The following AP3S1 variants were observed in gnomAD, a reference collection of about 807,000 sequenced individuals.
AP3S1 encodes adaptor related protein complex 3 subunit sigma 1.
A neutral mutation model predicts 21.3 loss-of-function variants in AP3S1; 12 were observed. The ratio of observed to expected loss-of-function variants is 0.56; its 90% confidence interval spans 0.36 to 0.91. The LOEUF (loss-of-function observed/expected upper bound fraction) is 0.91, where lower values mean the gene tolerates loss of function less well. AP3S1 is among the 40% of genes least tolerant of loss of function. AP3S1 has a pLI of 0.01. For missense variants in AP3S1, 116 were observed against 225.0 expected (o/e 0.52, Z 3.10); for synonymous variants, 48 against 78.4 (o/e 0.61, Z 2.05).
rs569608103 is a variant in AP3S1, at chr5:115,871,495, C to G, written c.273+1367C>G. Among the ~76,000 whole-genome samples, 5 of 152,292 alleles carry G rather than the reference C, an allele frequency of 3.3e-5. No individual in the cohort carries two copies. In the East Asian group the frequency reaches 9.7e-4, roughly 29 times the overall value. The stretch of plus-strand genomic sequence containing the variant: ...CTAAACTGTAACCCCTCCATAATCT[C>G]AATTTCACAGTTTTGAAGTCGTTAG... On this transcript the variant is annotated intron_variant, in intron 3 of 5. Transcript: ENST00000316788.
At chr5:115,903,582 A>G (rs1751395674) in intron 5 of AP3S1, 1 of 152,578 alleles carries the variant, frequency 6.6e-6, no homozygotes, top group Non-Finnish European at 1.5e-5. Context: ...TAGTACATAT[A>G]TATCCATGGT....
intron 1 of AP3S1, among the ~76,000 whole-genome samples, chr5:115,843,696 T>A (rs923369895): frequency 3.3e-5 from 5 of 152,232 alleles, no homozygotes; most frequent in Admixed American, 3.3e-4. Context: ...TTTTTCCATA[T>A]CTAAACTTAA....
chr5:115,862,105 A>G (rs1241992755), intron 1 of AP3S1, among the ~76,000 whole-genome samples: 1 of 151,968 alleles, frequency 6.6e-6, no homozygotes, highest in Non-Finnish European at 1.5e-5. Context: ...ACTGGTGGAC[A>G]TTTGGGTCAT....
At chr5:115,871,465 T>A (rs912899570) in intron 3 of AP3S1, among the ~76,000 whole-genome samples, 1 of 152,208 alleles carries the variant, frequency 6.6e-6, no homozygotes, top group African/African-American at 2.4e-5. Flanking sequence ...AGATTTTATC[T>A]TTGTCTAAAC....
intron 5 of AP3S1, 47 bp downstream of exon 5, chr5:115,903,039 C>G: frequency 7.7e-7 from 1 of 1,300,624 alleles, no homozygotes. Flanking sequence ...AGCATGATGA[C>G]AGATTACGCA....
chr5:115,851,300 T>C (rs561776236), intron 1 of AP3S1, among the ~76,000 whole-genome samples: 5 of 152,330 alleles, frequency 3.3e-5, no homozygotes, highest in African/African-American at 9.6e-5. Context: ...TGTACTGATA[T>C]CTGTTTGAGT....
chr5:115,899,262 C>T (rs909175124), intron 4 of AP3S1, among the ~76,000 whole-genome samples: 1 of 152,188 alleles, frequency 6.6e-6, no homozygotes, highest in African/African-American at 2.4e-5. Context: ...ACTCCTTTTA[C>T]TTTCACCAAA....
intron 5 of AP3S1, chr5:115,903,221 G>T: frequency 3.1e-6 from 1 of 326,902 alleles, no homozygotes; most frequent in African/African-American, 2.2e-5. Flanking sequence ...TAGCTGCCTT[G>T]GGTAATAAGC....
At chr5:115,855,551 G>C (rs117496033) in intron 1 of AP3S1, among the ~76,000 whole-genome samples, 1 of 152,208 alleles carries the variant, frequency 6.6e-6, no homozygotes, top group East Asian at 1.9e-4. Flanking sequence ...TGTTGCCCAG[G>C]CTTGTCTGGA....
intron 1 of AP3S1, among the ~76,000 whole-genome samples, chr5:115,859,564 C>G (rs1219109932): frequency 3.9e-5 from 6 of 152,194 alleles, no homozygotes; most frequent in Admixed American, 6.5e-5. Context: ...AAGAGATACA[C>G]CCAGTAGGCT....
intron 1 of AP3S1, among the ~76,000 whole-genome samples, chr5:115,858,392 C>T (rs185876142): frequency 1.6e-4 from 24 of 152,264 alleles, no homozygotes; most frequent in Middle Eastern, 3.4e-3. Context: ...TGAAGCAGTT[C>T]TGATTACTTA....
At chr5:115,880,350 T>G (rs1263425654) in intron 3 of AP3S1, among the ~76,000 whole-genome samples, 1 of 152,208 alleles carries the variant, frequency 6.6e-6, no homozygotes, top group Non-Finnish European at 1.5e-5. Context: ...GCTATGAATT[T>G]CCACTGAAAC....
chr5:115,908,161 C>T (rs529709593), intron 5 of AP3S1, among the ~76,000 whole-genome samples: 1 of 152,016 alleles, frequency 6.6e-6, no homozygotes, highest in Non-Finnish European at 1.5e-5. Flanking sequence ...ACTGGGGTAC[C>T]GTTTTTGGTC....
chr5:115,870,350 C>T (rs537153247), intron 3 of AP3S1, among the ~76,000 whole-genome samples: 2 of 152,236 alleles, frequency 1.3e-5, no homozygotes, highest in African/African-American at 4.8e-5. Flanking sequence ...TTATCTTGCT[C>T]ATGTAAGTTA....
At chr5:115,906,932 T>C in intron 5 of AP3S1, 8 of 1,423,486 alleles carry the variant, frequency 5.6e-6, no homozygotes, top group Non-Finnish European at 6.4e-6. Flanking sequence ...CAATTAATTA[T>C]TTAGGCCAGA....
At chr5:115,860,979 T>C (rs1001689329) in intron 1 of AP3S1, among the ~76,000 whole-genome samples, 2 of 152,234 alleles carry the variant, frequency 1.3e-5, no homozygotes, top group African/African-American at 4.8e-5. Flanking sequence ...TACAAATTTA[T>C]TTATTCAATA....
chr5:115,843,004 CT>C (rs2112751680), intron 1 of AP3S1, among the ~76,000 whole-genome samples: 2 of 152,162 alleles, frequency 1.3e-5, no homozygotes, highest in East Asian at 3.9e-4. Flanking sequence ...CGTGTAAATA[CT>C]GTTTAGTATG....
At chr5:115,847,563 G>T (rs556900110) in intron 1 of AP3S1, among the ~76,000 whole-genome samples, 19 of 152,354 alleles carry the variant, frequency 1.2e-4, no homozygotes, top group African/African-American at 4.1e-4. Flanking sequence ...AGGCTGCAAT[G>T]AGCTGAGATT....
intron 2 of AP3S1, among the ~76,000 whole-genome samples, chr5:115,868,951 AAGGGAGGGAGGG>A (rs56768905): frequency 1.4e-4 from 6 of 43,634 alleles, no homozygotes; most frequent in African/African-American, 4.1e-4. Context: ...GGAAGGAAGG[AAGGGAGGGAGGG>A]AGGGAGGGAG....
Sources: gnomAD v4.1 joint callset for allele counts (sites outside exome capture counted in the v4.1 genomes callset) on GRCh38, gnomAD v4.1.1 for gene constraint, MANE v1.5 for transcripts, NCBI Gene and HGNC (gene_info 2026-07-23, HGNC 2026-07-21) for gene names.